The following MAP1B variants were observed in gnomAD, a reference collection of about 807,000 sequenced individuals.
MAP1B encodes microtubule-associated protein 1B.
In MAP1B, 12 loss-of-function variants were observed where a neutral mutation model predicts 176.1. That is an observed-to-expected ratio of 0.07 (90% CI 0.04 to 0.11). The LOEUF (loss-of-function observed/expected upper bound fraction) is 0.11. MAP1B is among the 10% of genes least tolerant of loss of function. The pLI, the probability that MAP1B is intolerant of heterozygous loss-of-function variation, is 1.00. For missense variants in MAP1B, 2,523 were observed against 2,990.5 expected (o/e 0.84, Z 3.65); for synonymous variants, 1,044 against 1,135.0 (o/e 0.92, Z 1.61).
intron 2 of MAP1B, among the ~76,000 whole-genome samples, chr5:72,180,575 A>G (rs1580010674): frequency 6.6e-6 from 1 of 152,368 alleles, no homozygotes; most frequent in East Asian, 1.9e-4. Flanking sequence ...CCAATAAATT[A>G]CAGTATTTAG....
rs755748937 is a variant in MAP1B, at chr5:72,200,194, C to T, written c.6839C>T (p.Ser2280Phe). 4 of 1,614,202 alleles carry T rather than the reference C, an allele frequency of 2.5e-6. No homozygotes were observed. The highest frequency in any genetic ancestry group is 2.5e-6 in the Non-Finnish European group (3 of 1,180,034). Reference protein sequence around the residue: ...ASPKPAGLKESSDKVSRVASP... With the variant: ...ASPKPAGLKEFSDKVSRVASP... Reference sequence around the variant, plus strand: ...CCAAAACCAGCGGGCTTGAAAGAATCCTCGGATAAAGTGTCCAGGGTGGCT... The same window carrying T: ...CCAAAACCAGCGGGCTTGAAAGAATTCTCGGATAAAGTGTCCAGGGTGGCT... The change falls in exon 5 of 7, where the codon TCC becomes TTC. Residue 2280 changes from serine to phenylalanine, a missense_variant. Around this residue, in one of 4 missense-constraint regions of MAP1B, gnomAD observed 287 missense variants for 401.5 expected, o/e 0.71. Transcript: ENST00000296755.
intron 1 of MAP1B, among the ~76,000 whole-genome samples, chr5:72,113,650 T>A (rs1745382043): frequency 1.3e-5 from 2 of 152,196 alleles, no homozygotes; most frequent in African/African-American, 4.8e-5. Flanking sequence ...AGAAAAATTG[T>A]ATGAATTTAA....
chr5:72,188,514 A>G (rs1472826506), intron 4 of MAP1B, among the ~76,000 whole-genome samples: 1 of 152,244 alleles, frequency 6.6e-6, no homozygotes. Flanking sequence ...AAACCAGACA[A>G]AGGAAATATG....
intron 2 of MAP1B, among the ~76,000 whole-genome samples, chr5:72,138,887 A>C (rs1745887611): frequency 6.6e-6 from 1 of 152,146 alleles, no homozygotes; most frequent in Non-Finnish European, 1.5e-5. Context: ...GGTTATTTTA[A>C]TTTTCTTCCT....
At chr5:72,160,278 A>C (rs1746304281) in intron 2 of MAP1B, among the ~76,000 whole-genome samples, 1 of 152,000 alleles carries the variant, frequency 6.6e-6, no homozygotes, top group African/African-American at 2.4e-5. Flanking sequence ...TTTGGAAAAG[A>C]CTCTGAAAAA....
intron 1 of MAP1B, 92 bp from the exon 2 acceptor site, chr5:72,115,606 T>C (rs1745418088): frequency 2.5e-6 from 2 of 788,398 alleles, no homozygotes; most frequent in Admixed American, 3.6e-5. Flanking sequence ...ACATCCTCCC[T>C]GAAAGCCTGA....
At chr5:72,123,839 C>T (rs564818459) in intron 2 of MAP1B, among the ~76,000 whole-genome samples, 1 of 152,264 alleles carries the variant, frequency 6.6e-6, no homozygotes, top group African/African-American at 2.4e-5. Context: ...CTCTGTTGCC[C>T]AGTCTGGTCT....
In MAP1B at chr5:72,198,479, G is replaced by A; in HGVS notation, c.5124G>A (p.Glu1708=). The A allele has an allele frequency of 6.2e-7, 1 of 1,613,882 alleles. No individual in the cohort carries two copies. The highest frequency in any genetic ancestry group is 8.5e-7 in the Non-Finnish European group (1 of 1,180,042). Residue 1708 remains glutamate (E), a synonymous_variant, in exon 5 of 7, where the codon GAG becomes GAA. Transcript: ENST00000296755. ...SLSHKIPPME[E]PSYTQDNDLS... is the part of the protein sequence containing the mutation. The stretch of plus-strand genomic sequence containing the variant: ...CACATAAGATACCACCTATGGAGGA[G>A]CCGTCCTACACCCAAGATAATGATC...
chr5:72,161,341 TACTC>T (rs1703551542), intron 2 of MAP1B, among the ~76,000 whole-genome samples: 1 of 152,238 alleles, frequency 6.6e-6, no homozygotes, highest in South Asian at 2.1e-4. Flanking sequence ...GTCATAATAA[TACTC>T]AAACAATACA....
At chr5:72,170,729 G>T (rs1055081932) in intron 2 of MAP1B, among the ~76,000 whole-genome samples, 4 of 152,188 alleles carry the variant, frequency 2.6e-5, no homozygotes, top group African/African-American at 7.2e-5. Flanking sequence ...GGAGGCTGAG[G>T]TGGGTGGATC....
intron 2 of MAP1B, among the ~76,000 whole-genome samples, chr5:72,125,530 A>C (rs1399535849): frequency 6.6e-6 from 1 of 152,238 alleles, no homozygotes; most frequent in Non-Finnish European, 1.5e-5. Context: ...GGCCATAAGA[A>C]GACTTGTAAG....
rs987629728 is a variant in MAP1B, at chr5:72,194,768, T to G, written c.1413T>G (p.Ser471=). ...LPISYLTSVS[S]LIVWHPANPA... is the part of the protein sequence containing the mutation. ...TTTCCTACTTAACTTCAGTCTCATC[T>G]TTGATTGTGTGGCATCCAGCAAACC... Residue 471 remains serine (S), a synonymous_variant, in exon 5 of 7, where the codon TCT becomes TCG. Transcript: ENST00000296755. This position sits in a 1 kb window ranked among gnomAD's most constrained non-coding sequence, Gnocchi z 7.2. 2.5e-6 allele frequency: 4 copies of G among 1,614,224 alleles called. No homozygotes were observed. The highest frequency in any genetic ancestry group is 3.4e-6 in the Non-Finnish European group (4 of 1,180,042).
chr5:72,177,579 C>T (rs1015812543), intron 2 of MAP1B, among the ~76,000 whole-genome samples: 2 of 152,158 alleles, frequency 1.3e-5, no homozygotes, highest in African/African-American at 2.4e-5. Context: ...CTGCTTCAGG[C>T]GTCTCCCCTC....
Position 72,208,167 on chromosome 5 carries a change from C to G in MAP1B, c.*2928C>G, listed in dbSNP as rs1029604506. On this transcript the variant is annotated 3_prime_UTR_variant, in exon 7 of 7. Coordinates refer to ENST00000296755, the MANE Select transcript of MAP1B (RefSeq NM_005909.5). ...CCTGTCCTTCCAGACACCTTTCCTGCCTGTGTGACTAACCTAATTTTGCTA... is the reference window on the plus strand; with the variant it reads ...CCTGTCCTTCCAGACACCTTTCCTGGCTGTGTGACTAACCTAATTTTGCTA... The G allele has an allele frequency of 3.3e-5, 5 of 152,094 alleles. No individual in the cohort carries two copies. Among genetic ancestry groups the G allele is most frequent in the Non-Finnish European group, 7.4e-5 (5 of 68,026 alleles). 9.4% of individuals were successfully genotyped at this position (152,094 alleles called of 1,614,324 possible).
chr5:72,128,408 TAA>T lies in MAP1B; in HGVS notation c.286+12623_286+12624del, dbSNP rs35834892. On this transcript the variant is annotated intron_variant, in intron 2 of 6. Coordinates refer to ENST00000296755, the MANE Select transcript of MAP1B (RefSeq NM_005909.5). Reference sequence around the variant, plus strand: ...GAGTCATTGATTGCAGATATTGTTTTAAAAAAAAAAAAAAACACTCAAAACTG... The same window carrying T: ...GAGTCATTGATTGCAGATATTGTTTTAAAAAAAAAAAAACACTCAAAACTG... 7.3e-3 allele frequency among the ~76,000 whole-genome samples: 1,031 copies of T among 141,172 alleles called. 6 individuals carry two copies. Among genetic ancestry groups the T allele is most frequent in the Admixed American group, 9.3e-3 (132 of 14,180 alleles). 92.6% of individuals were successfully genotyped at this position (141,172 alleles called of 152,430 possible).
At position 72,206,699 on chromosome 5, in the gene MAP1B, CTT is replaced by C. The variant is rs142725688; in HGVS notation, c.*1468_*1469del. 1 of 150,758 alleles carries C rather than the reference CTT, an allele frequency of 6.6e-6. No homozygotes were observed. Among genetic ancestry groups the C allele is most frequent in the Non-Finnish European group, 1.5e-5 (1 of 67,642 alleles). The allele number at this position is 150,758 out of a possible 1,614,324, so 9.3% of individuals were successfully genotyped here. ...GCAAAGAAAATTCTCAAGTGATAGTCTTTTTTTTTAAGTGTTTCGTAAGACAA... is the reference window on the plus strand; with the variant it reads ...GCAAAGAAAATTCTCAAGTGATAGTCTTTTTTTAAGTGTTTCGTAAGACAA... On this transcript the variant is annotated 3_prime_UTR_variant, in exon 7 of 7. Transcript: ENST00000296755.
At chr5:72,132,010 T>C (rs777776113) in intron 2 of MAP1B, among the ~76,000 whole-genome samples, 60 of 152,356 alleles carry the variant, frequency 3.9e-4, no homozygotes, top group African/African-American at 1.2e-3. Flanking sequence ...ATTTCAACTT[T>C]TGCATATAAA....
chr5:72,156,088 A>G (rs890531224), intron 2 of MAP1B, among the ~76,000 whole-genome samples: 4 of 152,110 alleles, frequency 2.6e-5, no homozygotes, highest in African/African-American at 4.8e-5. Flanking sequence ...TTGAACATGC[A>G]TATGGCCCCC....
At chr5:72,157,925 A>T (rs1384510815) in intron 2 of MAP1B, among the ~76,000 whole-genome samples, 1 of 151,322 alleles carries the variant, frequency 6.6e-6, no homozygotes, top group African/African-American at 2.4e-5. Flanking sequence ...CTGCAACCTC[A>T]GCCTCCCGGG....
Sources: allele counts gnomAD v4.1 joint callset (sites outside exome capture counted in the v4.1 genomes callset), GRCh38; gene constraint gnomAD v4.1.1; regional missense constraint gnomAD v4.1.1; non-coding constraint Gnocchi (gnomAD v3.1); transcripts MANE v1.5; gene names NCBI Gene and HGNC (gene_info 2026-07-23, HGNC 2026-07-21).